AKAP6: variants seen among roughly 807,000 people sequenced by gnomAD.
The protein encoded by AKAP6 is A-kinase anchor protein 6.
A neutral mutation model predicts 188.5 loss-of-function variants in AKAP6; 58 were observed. The ratio of observed to expected loss-of-function variants is 0.31; its 90% CI spans 0.25 to 0.38. The LOEUF is 0.38. AKAP6 is among the 10% of genes least tolerant of loss of function. AKAP6 has a pLI of 1.00. For synonymous variants in AKAP6, 989 were observed against 998.6 expected, an observed-to-expected ratio of 0.99 and a Z score of 0.18; for missense variants, 2,710 against 2,740.0, an observed-to-expected ratio of 0.99 and a Z score of 0.24.
intron 9 of AKAP6, among the ~76,000 whole-genome samples, chr14:32,706,707 T>C (rs191549764): frequency 3.7e-4 from 56 of 152,244 alleles, no homozygotes; most frequent in African/African-American, 1.3e-3. Context: ...TAAGCACTTC[T>C]GTGACACTCT....
intron 2 of AKAP6, among the ~76,000 whole-genome samples, chr14:32,459,262 G>A (rs1329367485): frequency 6.6e-6 from 1 of 151,516 alleles, no homozygotes; most frequent in East Asian, 1.9e-4. Context: ...GACTGCAAAG[G>A]GGCATGAGAT....
intron 1 of AKAP6, among the ~76,000 whole-genome samples, chr14:32,383,085 TTA>T (rs1286568441): frequency 4.6e-5 from 5 of 108,890 alleles, no homozygotes; most frequent in South Asian, 3.8e-4. Flanking sequence ...AGGGCAGATT[TTA>T]TGTGTGTGTG....
chr14:32,778,915 T>TA (rs777288415), intron 12 of AKAP6, among the ~76,000 whole-genome samples: 44 of 86,470 alleles, frequency 5.1e-4, no homozygotes, highest in African/African-American at 1.6e-3. Context: ...ATAGAATCAT[T>TA]TAAAAAAAAA....
chr14:32,537,117 C>T (rs375946800), intron 3 of AKAP6, among the ~76,000 whole-genome samples: 8 of 152,164 alleles, frequency 5.3e-5, no homozygotes, highest in South Asian at 2.1e-4. Flanking sequence ...TGCCTATTCT[C>T]ATAAATCATT....
chr14:32,632,072 CTGTT>C (rs769850303), intron 7 of AKAP6, among the ~76,000 whole-genome samples: 6 of 151,784 alleles, frequency 4.0e-5, no homozygotes, highest in South Asian at 2.1e-4. Context: ...TTTTGTTTGT[CTGTT>C]TGTTTGTTTT....
intron 11 of AKAP6, among the ~76,000 whole-genome samples, chr14:32,772,745 G>C (rs1406761901): frequency 1.3e-5 from 2 of 152,134 alleles, no homozygotes; most frequent in Non-Finnish European, 2.9e-5. Flanking sequence ...GCATTGTCTT[G>C]TTTACCCTTG....
chr14:32,824,142 A>G lies in AKAP6; in HGVS notation c.6329A>G (p.Tyr2110Cys). 1 of 1,614,018 alleles carries G rather than the reference A, an allele frequency of 6.2e-7. No individual in the cohort carries two copies. The highest frequency in any genetic ancestry group is 8.5e-7 in the Non-Finnish European group (1 of 1,179,940). ...RPIQLRKGDF[Y>C]SYLSLSSHDS... ...ATCCAGCTGAGAAAAGGGGACTTTT[A>G]TTCGTACTTATCTCTCTCATCTCAT... Residue 2110 changes from tyrosine to cysteine, a missense_variant, in exon 13 of 14, where the codon TAT (tyrosine) becomes TGT (cysteine). This residue lies in a region of AKAP6 where 2,473 missense variants were observed against 2,426.1 expected (regional missense o/e 1.02). Transcript: ENST00000280979.
intron 1 of AKAP6, among the ~76,000 whole-genome samples, chr14:32,410,134 A>G (rs2059208256): frequency 8.6e-6 from 1 of 116,732 alleles, no homozygotes; most frequent in African/African-American, 2.7e-5. Context: ...CATTCTGTAG[A>G]GAATCCCCTT....
At chr14:32,352,605 G>C (rs1235787058) in intron 1 of AKAP6, among the ~76,000 whole-genome samples, 1 of 152,046 alleles carries the variant, frequency 6.6e-6, no homozygotes, top group Non-Finnish European at 1.5e-5. Flanking sequence ...ATTCTATGCT[G>C]TACTTCTATG....
chr14:32,667,171 G>A lies in AKAP6; in HGVS notation c.2731-11140G>A, dbSNP rs143139416. ...ATTCTGTTTATCGTGCATGACCCTC[G>A]GAGCCTAAAATGGAGTGTTTAACTT... is the stretch of plus-strand genomic sequence containing the variant. On this transcript the variant is annotated intron_variant, in intron 7 of 13. Transcript: ENST00000280979. 4.2e-3 allele frequency among the ~76,000 whole-genome samples: 643 copies of A among 151,986 alleles called. 1 individual carries two copies. Among genetic ancestry groups the A allele is most frequent in the African/African-American group, 0.015 (611 of 41,462 alleles).
rs568015354 is a variant in AKAP6, at chr14:32,701,826, G to A, written c.3000+5716G>A. ...ATTTGATATTCTTATGACTAAACTT[G>A]AGCCCCTAAAAGTGTAATGTTAGGT... On this transcript the variant is annotated intron_variant, in intron 9 of 13. Coordinates refer to ENST00000280979, the MANE Select transcript of AKAP6 (RefSeq NM_004274.5). Among the ~76,000 whole-genome samples, 5 of 152,106 alleles carry A rather than the reference G, an allele frequency of 3.3e-5. No individual in the cohort carries two copies. In the East Asian group the frequency reaches 7.7e-4, roughly 23 times the overall value.
chr14:32,363,803 T>C (rs1365197854), intron 1 of AKAP6, among the ~76,000 whole-genome samples: 1 of 152,208 alleles, frequency 6.6e-6, no homozygotes, highest in Non-Finnish European at 1.5e-5. Context: ...GAAAATACTT[T>C]GCATCCTTCC....
At chr14:32,354,475 G>A (rs768592810) in intron 1 of AKAP6, among the ~76,000 whole-genome samples, 3 of 152,268 alleles carry the variant, frequency 2.0e-5, no homozygotes, top group South Asian at 4.2e-4. Flanking sequence ...TCTGTTTAGC[G>A]TGGTGTCTGG....
At chr14:32,470,847 C>G (rs926964864) in intron 2 of AKAP6, among the ~76,000 whole-genome samples, 1 of 152,188 alleles carries the variant, frequency 6.6e-6, no homozygotes, top group Non-Finnish European at 1.5e-5. Flanking sequence ...TAGTTTACTA[C>G]AAGAGCAGTA....
At chr14:32,571,616 A>C (rs910084727) in intron 4 of AKAP6, among the ~76,000 whole-genome samples, 2 of 152,226 alleles carry the variant, frequency 1.3e-5, no homozygotes, top group Non-Finnish European at 2.9e-5. Flanking sequence ...GTGTGGAGGC[A>C]GCTAACTCGA....
chr14:32,768,682 A>G (rs897661943), intron 11 of AKAP6, among the ~76,000 whole-genome samples: 5 of 152,198 alleles, frequency 3.3e-5, no homozygotes, highest in Non-Finnish European at 7.4e-5. Context: ...TATACTTTAA[A>G]AAGTCTACTC....
intron 2 of AKAP6, among the ~76,000 whole-genome samples, chr14:32,487,547 T>C (rs1441873760): frequency 6.6e-6 from 1 of 152,266 alleles, no homozygotes; most frequent in East Asian, 1.9e-4. Context: ...CTTCTGTCAA[T>C]TTGTCAATCT....
At chr14:32,740,439 T>C (rs2031622479) in intron 11 of AKAP6, among the ~76,000 whole-genome samples, 1 of 152,068 alleles carries the variant, frequency 6.6e-6, no homozygotes, top group Non-Finnish European at 1.5e-5. Context: ...GCCCCAGAAA[T>C]ATTTGCCCAG....
chr14:32,623,782 G>A (rs1007678499), intron 7 of AKAP6, among the ~76,000 whole-genome samples: 1 of 152,150 alleles, frequency 6.6e-6, no homozygotes, highest in South Asian at 2.1e-4. Context: ...AGTTCATAAA[G>A]CCGTATTCCT....
Sources: allele counts gnomAD v4.1 joint callset (sites outside exome capture counted in the v4.1 genomes callset), GRCh38; gene constraint gnomAD v4.1.1; regional missense constraint gnomAD v4.1.1; transcripts MANE v1.5; gene names NCBI Gene and HGNC (gene_info 2026-07-23, HGNC 2026-07-21).